NEK7: variants seen among roughly 807,000 people sequenced by gnomAD.
NEK7 encodes the protein serine/threonine-protein kinase Nek7.
A neutral mutation model predicts 44.6 loss-of-function variants in NEK7; 18 were observed. The ratio of observed to expected loss-of-function variants is 0.40; its 90% CI spans 0.28 to 0.60. The LOEUF (loss-of-function observed/expected upper bound fraction) is 0.60. Ranked by LOEUF, NEK7 falls within the 20% of genes least tolerant of loss-of-function variation. The pLI is 0.38. For missense variants in NEK7, 256 were observed against 366.5 expected (o/e 0.70, Z 2.46); for synonymous variants, 130 against 121.1 (o/e 1.07, Z -0.48).
At chr1:198,262,380 A>T (rs887156735) in intron 3 of NEK7, among the ~76,000 whole-genome samples, 195 bp from the exon 4 acceptor site, 7 of 151,902 alleles carry the variant, frequency 4.6e-5, no homozygotes, top group African/African-American at 9.7e-5. Flanking sequence ...TCCATTTTTT[A>T]AATACTGACT....
At chr1:198,229,079 AGACAGGCCTGGCTGGGTTTTC>A (rs1034387180) in intron 1 of NEK7, among the ~76,000 whole-genome samples, 1 of 152,216 alleles carries the variant, frequency 6.6e-6, no homozygotes, top group Admixed American at 6.5e-5. Flanking sequence ...GAAGCTGAAC[AGACAGGCCTGGCTGGGTTTTC>A]CCACTCAGTC....
chr1:198,314,028 T>A (rs1340228618), intron 9 of NEK7, among the ~76,000 whole-genome samples: 5 of 151,768 alleles, frequency 3.3e-5, no homozygotes, highest in Admixed American at 2.6e-4. Flanking sequence ...TGCAGAGTGT[T>A]TTCCAACTTG....
chr1:198,307,735 G>A (rs976570771), intron 9 of NEK7, among the ~76,000 whole-genome samples: 1 of 152,096 alleles, frequency 6.6e-6, no homozygotes, highest in Admixed American at 6.6e-5. Flanking sequence ...TCCATTCTAT[G>A]ATGACCTGTT....
chr1:198,267,210 A>G (rs921084238), intron 5 of NEK7, among the ~76,000 whole-genome samples: 1 of 152,072 alleles, frequency 6.6e-6, no homozygotes, highest in African/African-American at 2.4e-5. Context: ...CATCATTTAA[A>G]TATGCTCAGG....
intron 1 of NEK7, among the ~76,000 whole-genome samples, chr1:198,203,053 T>TATGA (rs1246959857): frequency 6.6e-6 from 1 of 151,954 alleles, no homozygotes; most frequent in Non-Finnish European, 1.5e-5. Context: ...ACTATGACGT[T>TATGA]TTCATGAGTT....
At chr1:198,288,449 G>A (rs1267938263) in intron 7 of NEK7, among the ~76,000 whole-genome samples, 1 of 152,056 alleles carries the variant, frequency 6.6e-6, no homozygotes, top group South Asian at 2.1e-4. Context: ...AGATTTCTCT[G>A]CTTCTTAATT....
chr1:198,317,877 A>ATTTTTTTTTTTTTTTTTTT (rs34704209), intron 9 of NEK7, among the ~76,000 whole-genome samples: 1 of 70,268 alleles, frequency 1.4e-5, no homozygotes, highest in Non-Finnish European at 2.4e-5. Flanking sequence ...GGATATATTT[A>ATTTTTTTTTTTTTTTTTTT]TTTTTTTTTT....
chr1:198,271,735 A>G (rs1473833142), intron 5 of NEK7, among the ~76,000 whole-genome samples: 1 of 151,828 alleles, frequency 6.6e-6, no homozygotes, highest in Non-Finnish European at 1.5e-5. Context: ...GAGAACTGCC[A>G]GTGATTCCAA....
intron 9 of NEK7, among the ~76,000 whole-genome samples, chr1:198,307,854 ATGTATATATAGC>A (rs1407829126): frequency 6.6e-6 from 1 of 152,148 alleles, no homozygotes; most frequent in African/African-American, 2.4e-5. Context: ...AATAATCATC[ATGTATATATAGC>A]TGTATTAAGC....
At chr1:198,175,199 A>G (rs1354415386) in intron 1 of NEK7, among the ~76,000 whole-genome samples, 1 of 150,676 alleles carries the variant, frequency 6.6e-6, no homozygotes, top group Non-Finnish European at 1.5e-5. Flanking sequence ...TATTTGTTAA[A>G]TGAATAAATA....
At position 198,297,846 on chromosome 1, in the gene NEK7, G is replaced by A. The variant is rs535209210; in HGVS notation, c.798+606G>A. On this transcript the variant is annotated intron_variant, in intron 9 of 9. Transcript: ENST00000367385. ...ATCATTGTAGACATGTTTAAAAAGT[G>A]TGTTAGTTGTGGCTGAAAATCTTAG... Among the ~76,000 whole-genome samples, 6 of 152,290 alleles carry A rather than the reference G, an allele frequency of 3.9e-5. No individual in the cohort carries two copies. In the South Asian group the frequency reaches 1.2e-3, roughly 32 times the overall value.
intron 1 of NEK7, among the ~76,000 whole-genome samples, chr1:198,188,264 T>C (rs918716217): frequency 3.9e-5 from 6 of 152,184 alleles, no homozygotes; most frequent in African/African-American, 1.4e-4. Context: ...AATGACTAAG[T>C]AAGCTGATTA....
At chr1:198,258,181 C>T (rs1433761771) in intron 3 of NEK7, among the ~76,000 whole-genome samples, 1 of 152,206 alleles carries the variant, frequency 6.6e-6, no homozygotes, top group Non-Finnish European at 1.5e-5. Context: ...GACTCAACGC[C>T]TGTAATCCCA....
At chr1:198,297,670 T>C (rs1247279953) in intron 9 of NEK7, among the ~76,000 whole-genome samples, 1 of 152,224 alleles carries the variant, frequency 6.6e-6, no homozygotes, top group African/African-American at 2.4e-5. Context: ...TTCCCTTTCG[T>C]CCATGTTTTC....
intron 1 of NEK7, among the ~76,000 whole-genome samples, chr1:198,229,921 C>T (rs1666337190): frequency 6.6e-6 from 1 of 152,048 alleles, no homozygotes; most frequent in South Asian, 2.1e-4. Flanking sequence ...GTATCAGTAG[C>T]TATAGCAAAA....
intron 3 of NEK7, among the ~76,000 whole-genome samples, chr1:198,254,701 T>C (rs905678085): frequency 6.6e-6 from 1 of 152,170 alleles, no homozygotes; most frequent in African/African-American, 2.4e-5. Context: ...TGGAAATGAC[T>C]GCATCCCACA....
intron 1 of NEK7, among the ~76,000 whole-genome samples, chr1:198,180,871 C>G (rs985033273): frequency 2.6e-5 from 4 of 151,912 alleles, no homozygotes; most frequent in African/African-American, 9.7e-5. Flanking sequence ...ATGTTGATTT[C>G]TAATAGGAAA....
Position 198,234,307 on chromosome 1 carries a change from A to ATT in NEK7, c.57+1680_57+1681dup, listed in dbSNP as rs11325777. 2.8e-3 allele frequency among the ~76,000 whole-genome samples: 418 copies of ATT among 149,910 alleles called. 3 individuals are homozygous for ATT. Among genetic ancestry groups the ATT allele is most frequent in the African/African-American group, 9.7e-3 (398 of 41,038 alleles). On this transcript the variant is annotated intron_variant, in intron 2 of 9. Coordinates refer to ENST00000367385, the MANE Select transcript of NEK7 (RefSeq NM_133494.3). ...GGCCAATATTTTGATTTCAAGAAGAATTTTTTTTTTTAAGTCCCCATATAT... is the reference window on the plus strand; with the variant it reads ...GGCCAATATTTTGATTTCAAGAAGAATTTTTTTTTTTTTAAGTCCCCATATAT...
intron 2 of NEK7, among the ~76,000 whole-genome samples, chr1:198,249,853 G>A (rs1263515467): frequency 7.1e-6 from 1 of 140,262 alleles, no homozygotes; most frequent in Non-Finnish European, 1.5e-5. Flanking sequence ...TTCACTGATG[G>A]TAGTTTCTTT....
Sources: gnomAD v4.1 joint callset for allele counts (sites outside exome capture counted in the v4.1 genomes callset) on GRCh38, gnomAD v4.1.1 for gene constraint, MANE v1.5 for transcripts, NCBI Gene and HGNC (gene_info 2026-07-23, HGNC 2026-07-21) for gene names.